OSBPL1A: variants seen among roughly 807,000 people sequenced by gnomAD.
The protein encoded by OSBPL1A is oxysterol binding protein like 1A, also known as oxysterol-binding protein-related protein 1.
In OSBPL1A, 80 loss-of-function variants were observed where a neutral mutation model predicts 137.1. The ratio of observed to expected loss-of-function variants is 0.58; its 90% CI spans 0.49 to 0.70. The LOEUF is 0.70. Among genes scored for constraint, OSBPL1A ranks in the 30% least tolerant of loss-of-function variants. The pLI, the probability that OSBPL1A is intolerant of heterozygous loss-of-function variation, is 0.00. For missense variants in OSBPL1A, 970 were observed against 1,129.4 expected, an observed-to-expected ratio of 0.86 and a Z score of 2.02; for synonymous variants, 365 against 389.7, an observed-to-expected ratio of 0.94 and a Z score of 0.75.
chr18:24,351,178 T>C (rs1235025904), intron 4 of OSBPL1A, among the ~76,000 whole-genome samples: 1 of 151,620 alleles, frequency 6.6e-6, no homozygotes, highest in Non-Finnish European at 1.5e-5. Context: ...TAAAACCCTG[T>C]CTCTACTAAA....
At chr18:24,272,720 A>G (rs2089752155) in intron 15 of OSBPL1A, among the ~76,000 whole-genome samples, 2 of 152,204 alleles carry the variant, frequency 1.3e-5, no homozygotes, top group Admixed American at 6.5e-5. Context: ...AAATGAACAA[A>G]ATTAAATATT....
chr18:24,327,105 TTTTTTC>T (rs1193807319), intron 7 of OSBPL1A, among the ~76,000 whole-genome samples: 6 of 125,670 alleles, frequency 4.8e-5, no homozygotes, highest in Non-Finnish European at 7.3e-5. Context: ...GGTTTTTTTC[TTTTTTC>T]TTTTTTTTTT....
intron 17 of OSBPL1A, 114 bp downstream of exon 17, chr18:24,224,928 C>T (rs1465910118): frequency 1.5e-6 from 2 of 1,323,156 alleles, no homozygotes; most frequent in Non-Finnish European, 2.1e-6. Context: ...GGTGATATAG[C>T]AATATAAATC....
chr18:24,165,000 C>G (rs2086112347), intron 27 of OSBPL1A, 65 bp downstream of exon 27: 1 of 1,525,982 alleles, frequency 6.6e-7, no homozygotes. Flanking sequence ...TCTGGCATCC[C>G]TGCCTCGTCT....
At chr18:24,201,953 C>T (rs984045260) in intron 17 of OSBPL1A, among the ~76,000 whole-genome samples, 2 of 152,124 alleles carry the variant, frequency 1.3e-5, no homozygotes, top group Admixed American at 6.5e-5. Flanking sequence ...AAGATGATAA[C>T]ACAAAGGTAG....
rs549594219 is a variant in OSBPL1A at position 24,272,878 on chromosome 18, T to C, written c.1281+7964A>G. On this transcript the variant is annotated intron_variant, in intron 15 of 27. Transcript: ENST00000319481. ...TCAGTGAGGTTTCATGGCATCTTTG[T>C]TTTCATTGTTATTTTATTGTATTAA... is the stretch of plus-strand genomic sequence containing the variant. 5.0e-4 allele frequency among the ~76,000 whole-genome samples: 76 copies of C among 151,892 alleles called. 1 individual carries two copies. Among genetic ancestry groups the C allele is most frequent in the Admixed American group, 3.7e-3 (57 of 15,262 alleles).
At chr18:24,391,106 G>A (rs1204592739) in intron 1 of OSBPL1A, among the ~76,000 whole-genome samples, 3 of 151,842 alleles carry the variant, frequency 2.0e-5, no homozygotes, top group Admixed American at 1.3e-4. Context: ...TGTCTCAATC[G>A]ATTGAGGAAG....
At chr18:24,305,204 G>A (rs1279729342) in intron 13 of OSBPL1A, among the ~76,000 whole-genome samples, 1 of 152,196 alleles carries the variant, frequency 6.6e-6, no homozygotes, top group Non-Finnish European at 1.5e-5. Context: ...CTATGAATCT[G>A]TAATAAACAG....
chr18:24,166,765 T>C (rs1332153709), intron 25 of OSBPL1A, 63 bp from the exon 26 acceptor site: 2 of 1,524,610 alleles, frequency 1.3e-6, no homozygotes, highest in Non-Finnish European at 1.8e-6. Flanking sequence ...TGAAACATCC[T>C]GAAAGTAGAA....
intron 2 of OSBPL1A, among the ~76,000 whole-genome samples, chr18:24,369,849 T>G (rs1905475910): frequency 6.6e-6 from 1 of 152,186 alleles, no homozygotes; most frequent in South Asian, 2.1e-4. Context: ...GATAAGGATC[T>G]CCCCCTTATT....
intron 15 of OSBPL1A, among the ~76,000 whole-genome samples, chr18:24,259,690 G>GT (rs765855444): frequency 6.6e-5 from 10 of 152,138 alleles, no homozygotes; most frequent in Non-Finnish European, 1.3e-4. Flanking sequence ...TGGGTTTGGG[G>GT]TTTTTTGCTT....
intron 15 of OSBPL1A, among the ~76,000 whole-genome samples, chr18:24,274,918 A>G (rs567935035): frequency 1.3e-5 from 2 of 152,172 alleles, no homozygotes; most frequent in South Asian, 2.1e-4. Flanking sequence ...CAAAATTAAA[A>G]AAAAAAAAGA....
intron 17 of OSBPL1A, among the ~76,000 whole-genome samples, chr18:24,222,273 T>C (rs1255912151): frequency 1.3e-5 from 2 of 152,280 alleles, no homozygotes; most frequent in East Asian, 1.9e-4. Context: ...AATCTATTCA[T>C]GTTAATATAA....
At chr18:24,211,280 T>C (rs966860677) in intron 17 of OSBPL1A, among the ~76,000 whole-genome samples, 1 of 152,162 alleles carries the variant, frequency 6.6e-6, no homozygotes, top group African/African-American at 2.4e-5. Context: ...AAATAACATT[T>C]TTATAGAAAA....
At chr18:24,310,002 G>A (rs892798919) in intron 13 of OSBPL1A, among the ~76,000 whole-genome samples, 2 of 139,776 alleles carry the variant, frequency 1.4e-5, no homozygotes, top group African/African-American at 2.7e-5. Context: ...AGCCATGATC[G>A]CATCACTGCA....
intron 12 of OSBPL1A, among the ~76,000 whole-genome samples, chr18:24,312,686 T>C (rs2090639914): frequency 6.6e-6 from 1 of 152,218 alleles, no homozygotes; most frequent in Admixed American, 6.5e-5. Context: ...GGGTCAAATC[T>C]TACCATTTTA....
At chr18:24,298,387 C>A (rs2090331832) in intron 14 of OSBPL1A, among the ~76,000 whole-genome samples, 1 of 152,190 alleles carries the variant, frequency 6.6e-6, no homozygotes, top group South Asian at 2.1e-4. Context: ...TGCTCTGTCA[C>A]CCAGGCTGGA....
intron 17 of OSBPL1A, among the ~76,000 whole-genome samples, chr18:24,224,363 G>T (rs902804182): frequency 6.6e-6 from 1 of 152,060 alleles, no homozygotes; most frequent in Non-Finnish European, 1.5e-5. Context: ...AATGACAACA[G>T]AATACATCCT....
At position 24,227,723 on chromosome 18, in the gene OSBPL1A, GGAT is replaced by G. The variant is rs543709437; in HGVS notation, c.1445-2528_1445-2526del. Among the ~76,000 whole-genome samples, 210 of 152,154 alleles carry G rather than the reference GGAT, an allele frequency of 1.4e-3. 2 individuals carry two copies. Among genetic ancestry groups the G allele is most frequent in the African/African-American group, 4.9e-3 (203 of 41,500 alleles). Reference sequence around the variant, plus strand: ...GCGGCAGGAACAAGACCTGCATCAGGGATGATAACAGCCATCTTGGGGTGGGGG... The same window carrying G: ...GCGGCAGGAACAAGACCTGCATCAGGGATAACAGCCATCTTGGGGTGGGGG... On this transcript the variant is annotated intron_variant, in intron 16 of 27. Coordinates refer to ENST00000319481, the MANE Select transcript of OSBPL1A (RefSeq NM_080597.4).
Sources: allele counts gnomAD v4.1 joint callset (sites outside exome capture counted in the v4.1 genomes callset), GRCh38; gene constraint gnomAD v4.1.1; transcripts MANE v1.5; gene names NCBI Gene and HGNC (gene_info 2026-07-23, HGNC 2026-07-21).